The following ROR2 variants were observed in gnomAD, a reference collection of about 807,000 sequenced individuals.
The protein encoded by ROR2 is tyrosine-protein kinase transmembrane receptor ROR2.
Under a neutral mutation model 74.9 loss-of-function variants are expected in ROR2, and 33 were observed. That is an observed-to-expected ratio of 0.44 (90% confidence interval 0.33 to 0.59). The LOEUF is 0.59. ROR2 is among the 20% of genes least tolerant of loss of function. ROR2 has a pLI of 0.02. For missense variants in ROR2, 1,216 were observed against 1,313.8 expected, an observed-to-expected ratio of 0.93 and a Z score of 1.15; for synonymous variants, 586 against 558.7, an observed-to-expected ratio of 1.05 and a Z score of -0.69.
chr9:91,914,214 G>A (rs535695549), intron 1 of ROR2, among the ~76,000 whole-genome samples: 10 of 152,220 alleles, frequency 6.6e-5, no homozygotes, highest in African/African-American at 2.4e-4. Context: ...TCGAGCCACG[G>A]GGCCATCCTA....
intron 1 of ROR2, among the ~76,000 whole-genome samples, chr9:91,829,549 CAAAAAAAAA>C (rs34687056): frequency 2.5e-5 from 1 of 40,510 alleles, no homozygotes; most frequent in Non-Finnish European, 4.6e-5. Flanking sequence ...GACTCCGTCT[CAAAAAAAAA>C]AAAAAAAAAA....
In ROR2 at chr9:91,949,909, A is replaced by G; in HGVS notation, c.55T>C (p.Trp19Arg). 6.5e-7 allele frequency: 1 copy of G among 1,539,152 alleles called. No individual in the cohort carries two copies. Among genetic ancestry groups the G allele is most frequent in the Non-Finnish European group, 8.8e-7 (1 of 1,142,464 alleles). ...RRPLLCIPAVWAAAALLLSVS... is the reference protein window; with the variant it reads ...RRPLLCIPAVRAAAALLLSVS... ...GAGAGCAGAAGCGCGGCGGCCGCCC[A>G]GACGGCCGGGATGCACAGCAGCGGC... Residue 19 changes from tryptophan to arginine, a missense_variant, in exon 1 of 9, where the codon TGG (tryptophan) becomes CGG (arginine). Physicochemically the swap from Trp to Arg is moderately radical, Grantham distance 101. Transcript: ENST00000375708.
chr9:91,884,543 T>A (rs1830218465), intron 1 of ROR2, among the ~76,000 whole-genome samples: 1 of 151,092 alleles, frequency 6.6e-6, no homozygotes, highest in Non-Finnish European at 1.5e-5. Flanking sequence ...CATTCCCCAA[T>A]CCCCAGGCCT....
chr9:91,858,494 A>G (rs1444782259), intron 1 of ROR2, among the ~76,000 whole-genome samples: 1 of 152,194 alleles, frequency 6.6e-6, no homozygotes, highest in Admixed American at 6.5e-5. Context: ...CTGCAGCCCC[A>G]AGGAAGTCCT....
intron 4 of ROR2, among the ~76,000 whole-genome samples, chr9:91,748,803 C>T (rs997737517): frequency 5.9e-5 from 9 of 152,186 alleles, no homozygotes; most frequent in East Asian, 1.9e-4. Context: ...GAGGCTGAGG[C>T]GTGTGGATCA....
At chr9:91,728,743 A>T (rs1464815851) in intron 7 of ROR2, among the ~76,000 whole-genome samples, 4 of 152,180 alleles carry the variant, frequency 2.6e-5, no homozygotes, top group Non-Finnish European at 4.4e-5. Flanking sequence ...AATGAACTTG[A>T]TTTTAAATAG....
chr9:91,853,735 C>CT (rs1829186112), intron 1 of ROR2, among the ~76,000 whole-genome samples: 1 of 152,172 alleles, frequency 6.6e-6, no homozygotes, highest in African/African-American at 2.4e-5. Context: ...CGGGCTGATG[C>CT]TGTGACAGTA....
At chr9:91,799,312 G>A (rs1032749043) in intron 1 of ROR2, among the ~76,000 whole-genome samples, 5 of 152,164 alleles carry the variant, frequency 3.3e-5, no homozygotes, top group African/African-American at 4.8e-5. Flanking sequence ...ATCCAGGGAC[G>A]CTGCTCACTC....
intron 4 of ROR2, among the ~76,000 whole-genome samples, chr9:91,738,582 A>G (rs1276877983): frequency 6.6e-6 from 1 of 152,242 alleles, no homozygotes; most frequent in African/African-American, 2.4e-5. Context: ...CAAGGTAAAC[A>G]GCAGAAATAT....
chr9:91,865,723 A>G (rs1829612330), intron 1 of ROR2, among the ~76,000 whole-genome samples: 1 of 152,214 alleles, frequency 6.6e-6, no homozygotes, highest in East Asian at 1.9e-4. Context: ...GGTTGGAGGC[A>G]TGGGGGTGAG....
intron 1 of ROR2, among the ~76,000 whole-genome samples, chr9:91,823,236 T>C (rs1052751562): frequency 2.0e-5 from 3 of 152,186 alleles, no homozygotes; most frequent in Non-Finnish European, 4.4e-5. Context: ...GTGCTGCCAT[T>C]ATGGAGAATG....
chr9:91,823,507 C>G (rs995815983), intron 1 of ROR2, among the ~76,000 whole-genome samples: 1 of 149,362 alleles, frequency 6.7e-6, no homozygotes, highest in Non-Finnish European at 1.5e-5. Context: ...TTTTTTTTTT[C>G]AAACTCCTGA....
chr9:91,741,701 T>A (rs1825252324), intron 4 of ROR2, among the ~76,000 whole-genome samples: 1 of 152,194 alleles, frequency 6.6e-6, no homozygotes, highest in Non-Finnish European at 1.5e-5. Context: ...AGGCTGACTG[T>A]CTAAATGGGC....
At chr9:91,910,434 A>G (rs975736712) in intron 1 of ROR2, among the ~76,000 whole-genome samples, 1 of 152,180 alleles carries the variant, frequency 6.6e-6, no homozygotes, top group Non-Finnish European at 1.5e-5. Flanking sequence ...ACTTTGAGAT[A>G]TGACATCAAA....
chr9:91,947,615 A>G (rs140563756), intron 1 of ROR2, among the ~76,000 whole-genome samples: 3 of 152,288 alleles, frequency 2.0e-5, no homozygotes, highest in African/African-American at 7.2e-5. Flanking sequence ...ACTGCCAAAA[A>G]TGGGGGCTGG....
Position 91,903,735 on chromosome 9 carries a change from A to T in ROR2, c.97+46132T>A, listed in dbSNP as rs1830731550. Among the ~76,000 whole-genome samples, 3 of 152,136 alleles carry T rather than the reference A, an allele frequency of 2.0e-5. No homozygotes were observed. In the South Asian group the frequency reaches 6.2e-4, roughly 32 times the overall value. On this transcript the variant is annotated intron_variant, in intron 1 of 8. Coordinates refer to ENST00000375708, the MANE Select transcript of ROR2 (RefSeq NM_004560.4). The stretch of plus-strand genomic sequence containing the variant: ...TTCGACAACTCTGTAGACAAAGAGG[A>T]ACAAAAACAAACGCAATTGGCTTGA...
intron 1 of ROR2, among the ~76,000 whole-genome samples, chr9:91,926,673 A>T (rs73520858): frequency 0.14 from 21,668 of 152,070 alleles, 3,408 homozygotes; most frequent in African/African-American, 0.39. Context: ...TACCTTCTTT[A>T]AAAGATTAAG....
chr9:91,824,184 G>A (rs1263075516), intron 1 of ROR2, among the ~76,000 whole-genome samples: 1 of 152,230 alleles, frequency 6.6e-6, no homozygotes, highest in Non-Finnish European at 1.5e-5. Flanking sequence ...ACCATTACCG[G>A]CATCTTACAG....
intron 2 of ROR2, among the ~76,000 whole-genome samples, chr9:91,773,283 T>C (rs1408950950): frequency 6.6e-6 from 1 of 152,158 alleles, no homozygotes; most frequent in Non-Finnish European, 1.5e-5. Flanking sequence ...TTCTCGGCCG[T>C]TAATATGGCC....
Sources: allele counts gnomAD v4.1 joint callset (sites outside exome capture counted in the v4.1 genomes callset), GRCh38; gene constraint gnomAD v4.1.1; transcripts MANE v1.5; gene names NCBI Gene and HGNC (gene_info 2026-07-23, HGNC 2026-07-21).